The following ZNF385D variants were observed in gnomAD, a reference collection of about 807,000 sequenced individuals.
ZNF385D encodes zinc finger protein 385D.
A neutral mutation model predicts 35.8 loss-of-function variants in ZNF385D; 15 were observed. The ratio of observed to expected loss-of-function variants is 0.42; its 90% CI spans 0.28 to 0.64. ZNF385D has a LOEUF of 0.64. Ranked by LOEUF, ZNF385D falls within the 30% of genes least tolerant of loss-of-function variation. The pLI is 0.23. For missense variants in ZNF385D, 474 were observed against 494.6 expected, an observed-to-expected ratio of 0.96 and a Z score of 0.39; for synonymous variants, 212 against 186.8, an observed-to-expected ratio of 1.13 and a Z score of -1.10.
At chr3:21,758,953 T>C (rs903551531) in intron 3 of ZNF385D, among the ~76,000 whole-genome samples, 12 of 100,950 alleles carry the variant, frequency 1.2e-4, no homozygotes, top group Non-Finnish European at 2.0e-4. Flanking sequence ...AGCCAAATCA[T>C]TATAACCATC....
chr3:22,059,762 C>A (rs911185786), intron 3 of ZNF385D, among the ~76,000 whole-genome samples: 5 of 152,130 alleles, frequency 3.3e-5, no homozygotes, highest in South Asian at 4.1e-4. Context: ...ATAATAGATG[C>A]TTGTGAGGGT....
chr3:22,241,680 G>A (rs1054025480), intron 2 of ZNF385D, among the ~76,000 whole-genome samples: 2 of 150,454 alleles, frequency 1.3e-5, no homozygotes, highest in African/African-American at 4.9e-5. Flanking sequence ...TTCTTTTCCT[G>A]GAGAGGAGGC....
chr3:21,633,482 A>G (rs1189000625), intron 2 of ZNF385D, among the ~76,000 whole-genome samples: 1 of 152,088 alleles, frequency 6.6e-6, no homozygotes, highest in Non-Finnish European at 1.5e-5. Flanking sequence ...AAGAGAAAAA[A>G]ACCTTTAATA....
intron 3 of ZNF385D, among the ~76,000 whole-genome samples, chr3:21,528,550 A>G (rs2061840399): frequency 6.6e-6 from 1 of 152,186 alleles, no homozygotes; most frequent in Non-Finnish European, 1.5e-5. Flanking sequence ...AATATATTAA[A>G]ACAATATGAT....
At chr3:21,875,753 T>C (rs367612893) in intron 3 of ZNF385D, among the ~76,000 whole-genome samples, 6 of 152,236 alleles carry the variant, frequency 3.9e-5, no homozygotes, top group African/African-American at 1.4e-4. Flanking sequence ...AGCCGTGTCA[T>C]TGCCACCACT....
chr3:22,213,523 C>T (rs1282461088), intron 2 of ZNF385D, among the ~76,000 whole-genome samples: 2 of 151,900 alleles, frequency 1.3e-5, no homozygotes, highest in African/African-American at 4.8e-5. Flanking sequence ...TAGTTTATGT[C>T]CTATCACTAC....
intron 3 of ZNF385D, among the ~76,000 whole-genome samples, chr3:21,998,091 C>G (rs1285169315): frequency 6.6e-6 from 1 of 152,008 alleles, no homozygotes; most frequent in African/African-American, 2.4e-5. Context: ...CAGTGCCATG[C>G]CAATATACAA....
chr3:21,534,944 A>C (rs1386933529), intron 3 of ZNF385D, among the ~76,000 whole-genome samples: 1 of 152,138 alleles, frequency 6.6e-6, no homozygotes, highest in Non-Finnish European at 1.5e-5. Context: ...TACATAAGTA[A>C]AACTGAGATC....
At chr3:21,561,691 T>A (rs1345369119) in intron 3 of ZNF385D, among the ~76,000 whole-genome samples, 6 of 152,298 alleles carry the variant, frequency 3.9e-5, no homozygotes, top group Admixed American at 6.5e-5. Context: ...GGTGGGAGAT[T>A]GGGGAATGTC....
chr3:21,892,580 T>C (rs1698924962), intron 3 of ZNF385D, among the ~76,000 whole-genome samples: 1 of 152,182 alleles, frequency 6.6e-6, no homozygotes, highest in Non-Finnish European at 1.5e-5. Flanking sequence ...AATATCAGGA[T>C]TAAGACTTAC....
intron 1 of ZNF385D, among the ~76,000 whole-genome samples, chr3:21,715,496 C>A (rs1008343792): frequency 6.6e-6 from 1 of 152,086 alleles, no homozygotes; most frequent in African/African-American, 2.4e-5. Flanking sequence ...ATCTAATCAT[C>A]CATTGATGGA....
intron 3 of ZNF385D, among the ~76,000 whole-genome samples, chr3:21,813,151 A>G (rs980130891): frequency 1.3e-5 from 2 of 152,168 alleles, no homozygotes; most frequent in Non-Finnish European, 2.9e-5. Context: ...TAGAAGGAAA[A>G]CTAACAAACA....
rs540471691 is a variant in ZNF385D, at chr3:22,009,944, G to GA, written c.325+158872dup. ...ACAAAATAAAAGAAATGAAAAATAT[G>GA]AAAAAAATGATAAGAATAGAAACAG... On this transcript the variant is annotated intron_variant, in intron 3 of 5. Transcript: ENST00000494108. Among the ~76,000 whole-genome samples the GA allele has an allele frequency of 3.4e-4, 51 of 151,624 alleles. No individual in the cohort carries two copies. In the East Asian group the frequency reaches 4.3e-3, roughly 13 times the overall value.
chr3:22,147,867 T>C (rs1704961067), intron 3 of ZNF385D, among the ~76,000 whole-genome samples: 1 of 152,202 alleles, frequency 6.6e-6, no homozygotes, highest in African/African-American at 2.4e-5. Context: ...TCTCTTTTGC[T>C]GAGCTTGAAT....
At chr3:21,979,196 G>C (rs540352642) in intron 3 of ZNF385D, among the ~76,000 whole-genome samples, 24 of 152,100 alleles carry the variant, frequency 1.6e-4, no homozygotes, top group Admixed American at 1.6e-3. Context: ...TAAAAAGGAG[G>C]ATATGGGGGA....
chr3:22,299,993 G>A (rs868734092), intron 2 of ZNF385D, among the ~76,000 whole-genome samples: 1 of 151,720 alleles, frequency 6.6e-6, no homozygotes, highest in African/African-American at 2.4e-5. Flanking sequence ...AGACCCCAAA[G>A]AGCCAAAGCA....
At chr3:22,212,954 G>C (rs936691735) in intron 2 of ZNF385D, among the ~76,000 whole-genome samples, 1 of 151,936 alleles carries the variant, frequency 6.6e-6, no homozygotes. Context: ...AGAACCAATA[G>C]ACTGTTTAAA....
intron 3 of ZNF385D, among the ~76,000 whole-genome samples, chr3:21,919,403 G>C (rs1700346384): frequency 6.6e-6 from 1 of 152,174 alleles, no homozygotes; most frequent in African/African-American, 2.4e-5. Flanking sequence ...ATATTGTTGT[G>C]AGCTATAACG....
upstream of ZNF385D, among the ~76,000 whole-genome samples, chr3:21,751,708 G>A (rs1037958719): frequency 6.6e-6 from 1 of 152,122 alleles, no homozygotes; most frequent in Non-Finnish European, 1.5e-5. Context: ...ACACTTAGAA[G>A]TGATCACATC....
Sources: gnomAD v4.1 joint callset for allele counts (sites outside exome capture counted in the v4.1 genomes callset) on GRCh38, gnomAD v4.1.1 for gene constraint, MANE v1.5 for transcripts, NCBI Gene and HGNC (gene_info 2026-07-23, HGNC 2026-07-21) for gene names.